The following FOXP2 variants were observed in gnomAD, a reference collection of about 807,000 sequenced individuals.
The protein encoded by FOXP2 is forkhead box P2, also known as forkhead box protein P2.
In FOXP2, 12 loss-of-function variants were observed where a neutral mutation model predicts 115.8. The ratio of observed to expected loss-of-function variants is 0.10; its 90% confidence interval spans 0.07 to 0.17. The LOEUF (loss-of-function observed/expected upper bound fraction) is 0.17, where lower values mean the gene tolerates loss of function less well. Ranked by LOEUF, FOXP2 falls within the 10% of genes least tolerant of loss-of-function variation. The pLI is 1.00. For synonymous variants in FOXP2, 328 were observed against 297.7 expected (o/e 1.10, Z -1.05); for missense variants, 629 against 843.5 (o/e 0.75, Z 3.15).
chr7:114,139,913 G>T (rs1416530694), intron 1 of FOXP2, among the ~76,000 whole-genome samples: 2 of 152,012 alleles, frequency 1.3e-5, no homozygotes, highest in Non-Finnish European at 2.9e-5. Flanking sequence ...AGGAGTTTGA[G>T]ACCAGCCTGG....
chr7:114,597,538 C>T (rs1802794659), intron 3 of FOXP2, among the ~76,000 whole-genome samples: 1 of 152,036 alleles, frequency 6.6e-6, no homozygotes, highest in African/African-American at 2.4e-5. Flanking sequence ...CCATAAATGC[C>T]AGCAAAATGA....
chr7:114,547,772 T>C (rs1402493897), intron 3 of FOXP2, among the ~76,000 whole-genome samples: 2 of 151,588 alleles, frequency 1.3e-5, no homozygotes, highest in African/African-American at 2.4e-5. Context: ...AAAAAAGAAA[T>C]GTATGTGATT....
chr7:114,098,380 C>A (rs1027563370), intron 1 of FOXP2, among the ~76,000 whole-genome samples: 1 of 152,072 alleles, frequency 6.6e-6, no homozygotes, highest in African/African-American at 2.4e-5. Context: ...TAAAATCAGA[C>A]ACATAGACCA....
chr7:114,575,006 A>G (rs1390252064), intron 3 of FOXP2, among the ~76,000 whole-genome samples: 1 of 151,912 alleles, frequency 6.6e-6, no homozygotes, highest in Non-Finnish European at 1.5e-5. Flanking sequence ...CTGGGTTGGA[A>G]GAAATAAGAA....
intron 6 of FOXP2, 146 bp downstream of exon 6, chr7:114,631,851 C>T (rs1804941973): frequency 1.2e-6 from 1 of 825,640 alleles, no homozygotes; most frequent in Admixed American, 2.3e-5. Context: ...GGTGGCATGA[C>T]CTATTTTCTA....
chr7:114,520,669 TAGAC>T (rs1164866839), intron 2 of FOXP2, among the ~76,000 whole-genome samples: 5 of 152,010 alleles, frequency 3.3e-5, no homozygotes, highest in South Asian at 4.1e-4. Context: ...GATAGATAGA[TAGAC>T]AGATATTAGA....
intron 3 of FOXP2, among the ~76,000 whole-genome samples, chr7:114,627,291 G>T: frequency 6.6e-6 from 1 of 151,204 alleles, no homozygotes; most frequent in Non-Finnish European, 1.5e-5. Context: ...AATCTTTTTT[G>T]GTTTTGAAAG....
At chr7:114,253,205 C>A (rs1182469631) in intron 1 of FOXP2, among the ~76,000 whole-genome samples, 1 of 152,130 alleles carries the variant, frequency 6.6e-6, no homozygotes, top group Non-Finnish European at 1.5e-5. Flanking sequence ...GAGTGCTTTA[C>A]TTTCAAGTAT....
Position 114,689,844 on chromosome 7 carries a change from T to C in FOXP2, c.2066T>C (p.Leu689Ser), listed in dbSNP as rs750287608. 18 of 1,613,378 alleles carry C rather than the reference T, an allele frequency of 1.1e-5. No homozygotes were observed. The highest frequency in any genetic ancestry group is 1.4e-5 in the Non-Finnish European group (17 of 1,179,588). Residue 689 changes from leucine to serine, a missense_variant, in exon 17 of 17, where the codon TTA (leucine) becomes TCA (serine). Physicochemically the swap from Leu to Ser is moderately radical, Grantham distance 145. This residue lies in a region of FOXP2 where 117 missense variants were observed against 112.3 expected (regional missense o/e 1.04). Transcript: ENST00000350908. ...IAEDEDCPMS[L>S]VTTANHSPEL... ...GAGGATGAAGACTGCCCAATGTCCT[T>C]AGTGACAACAGCTAATCACAGTCCA...
At chr7:114,529,497 T>C (rs1230443650) in intron 2 of FOXP2, among the ~76,000 whole-genome samples, 1 of 151,888 alleles carries the variant, frequency 6.6e-6, no homozygotes, top group Admixed American at 6.6e-5. Context: ...TATAGTGTAG[T>C]ATTATTTTAT....
Position 114,652,222 on chromosome 7 carries a change from G to A in FOXP2, c.1114G>A (p.Ala372Thr), listed in dbSNP as rs778396336. 2 of 1,612,750 alleles carry A rather than the reference G, an allele frequency of 1.2e-6. No individual in the cohort carries two copies. Among genetic ancestry groups the A allele is most frequent in the African/African-American group, 1.3e-5 (1 of 74,830 alleles). Residue 372 changes from alanine (A) to threonine (T), a missense_variant, in exon 9 of 17, where the codon GCA (alanine) becomes ACA (threonine). Ala to Thr is a moderately conservative substitution (Grantham distance 58). This residue lies in a region of FOXP2 where 24 missense variants were observed against 76.3 expected (regional missense o/e 0.31). Coordinates refer to ENST00000350908, the MANE Select transcript of FOXP2 (RefSeq NM_014491.4). ...GTTTAGGCACCTTAACAATGAACACGCATTGGATGACCGAAGCACTGCTCA... is the reference window on the plus strand; with the variant it reads ...GTTTAGGCACCTTAACAATGAACACACATTGGATGACCGAAGCACTGCTCA... ...QFLKHLNNEHALDDRSTAQCR... is the reference protein window; with the variant it reads ...QFLKHLNNEHTLDDRSTAQCR...
Position 114,236,042 on chromosome 7 carries a change from T to C in FOXP2, c.-101-51977T>C, listed in dbSNP as rs558417953. ...GCTCCTTGGGAGAAACATCTATCCC[T>C]GATTGCTTTGAGTTATTTATGGTTC... is the stretch of plus-strand genomic sequence containing the variant. On this transcript the variant is annotated intron_variant, in intron 1 of 17. Transcript: ENST00000634411. 1.1e-4 allele frequency among the ~76,000 whole-genome samples: 17 copies of C among 152,330 alleles called. No individual in the cohort carries two copies. The South Asian group carries it at 3.5e-3, about 32-fold the overall frequency.
At chr7:114,481,821 TATCTA>T (rs992132224) in intron 2 of FOXP2, among the ~76,000 whole-genome samples, 1 of 151,010 alleles carries the variant, frequency 6.6e-6, no homozygotes, top group African/African-American at 2.4e-5. Context: ...TATATCTATC[TATCTA>T]ATCTATAATG....
At chr7:114,210,340 G>A (rs1480776959) in intron 1 of FOXP2, among the ~76,000 whole-genome samples, 2 of 152,176 alleles carry the variant, frequency 1.3e-5, no homozygotes, top group Non-Finnish European at 2.9e-5. Flanking sequence ...AGTCTTTTTT[G>A]TTGTTGGTCT....
chr7:114,269,167 T>C (rs953462867), intron 1 of FOXP2, among the ~76,000 whole-genome samples: 14 of 151,980 alleles, frequency 9.2e-5, no homozygotes, highest in African/African-American at 3.4e-4. Flanking sequence ...CGGCTTAGAG[T>C]TTAGGGTCCT....
intron 1 of FOXP2, among the ~76,000 whole-genome samples, chr7:114,087,989 T>C (rs1445908116): frequency 2.0e-5 from 3 of 152,016 alleles, no homozygotes; most frequent in East Asian, 3.9e-4. Flanking sequence ...TGGCCACCGC[T>C]TGGGACGCTC....
At position 114,426,511 on chromosome 7, in the gene FOXP2, C is replaced by A; in HGVS notation, c.-1C>A. ...TCTTAATCACTTTTAGGTATTAAGT[C>A]ATGATGCAGGAATCTGCGACAGAGA... On this transcript the variant is annotated 5_prime_UTR_variant, in exon 2 of 17. Transcript: ENST00000350908. 1.2e-6 allele frequency: 2 copies of A among 1,610,698 alleles called. No individual in the cohort carries two copies. Among genetic ancestry groups the A allele is most frequent in the South Asian group, 1.1e-5 (1 of 90,992 alleles).
intron 2 of FOXP2, among the ~76,000 whole-genome samples, chr7:114,289,347 A>C (rs1397819423): frequency 2.0e-5 from 3 of 151,888 alleles, no homozygotes; most frequent in Non-Finnish European, 4.4e-5. Flanking sequence ...GATCTGGAAA[A>C]AGTTATGTAG....
At chr7:114,284,959 C>T (rs1796430058) in intron 1 of FOXP2, among the ~76,000 whole-genome samples, 1 of 151,930 alleles carries the variant, frequency 6.6e-6, no homozygotes, top group Non-Finnish European at 1.5e-5. Context: ...CTTACACTTA[C>T]GAATGGGAGC....
Sources: allele counts gnomAD v4.1 joint callset (sites outside exome capture counted in the v4.1 genomes callset), GRCh38; gene constraint gnomAD v4.1.1; regional missense constraint gnomAD v4.1.1; transcripts MANE v1.5; gene names NCBI Gene and HGNC (gene_info 2026-07-23, HGNC 2026-07-21).